Variants in LRRTM3 observed in about 807,000 individuals in gnomAD.
LRRTM3 encodes the protein leucine-rich repeat transmembrane neuronal protein 3.
Under a neutral mutation model 44.7 loss-of-function variants are expected in LRRTM3, and 24 were observed. The ratio of observed to expected loss-of-function variants is 0.54; its 90% CI spans 0.39 to 0.76. The LOEUF is 0.76. Among genes scored for constraint, LRRTM3 ranks in the 30% least tolerant of loss-of-function variants. The pLI, the probability that LRRTM3 is intolerant of heterozygous loss-of-function variation, is 0.00. For synonymous variants in LRRTM3, 277 were observed against 278.7 expected (o/e 0.99, Z 0.06); for missense variants, 587 against 702.2 (o/e 0.84, Z 1.85).
At chr10:67,069,545 G>GT (rs1856306919) in intron 2 of LRRTM3, among the ~76,000 whole-genome samples, 3 of 151,176 alleles carry the variant, frequency 2.0e-5, no homozygotes, top group Admixed American at 2.0e-4. Context: ...ATTACAAGGT[G>GT]TACAGCAGCC....
chr10:67,009,550 C>T lies in LRRTM3; in HGVS notation c.1536+81098C>T, dbSNP rs138737468. ...TTGTTTGTTTGTTTGTTTGCTTGTC[C>T]GTATCATATCTAGTATAATTTCCCT... On this transcript the variant is annotated intron_variant, in intron 2 of 2. Coordinates refer to ENST00000361320, the MANE Select transcript of LRRTM3 (RefSeq NM_178011.5). Among the ~76,000 whole-genome samples, 948 of 151,684 alleles carry T rather than the reference C, an allele frequency of 6.2e-3. 10 individuals are homozygous for T. The highest frequency in any genetic ancestry group is 0.021 in the African/African-American group (887 of 41,336).
chr10:66,980,962 G>A (rs918563447), intron 2 of LRRTM3, among the ~76,000 whole-genome samples: 13 of 152,000 alleles, frequency 8.6e-5, no homozygotes, highest in South Asian at 2.1e-4. Flanking sequence ...GCTGGAGTGC[G>A]ATGGTGTGAT....
chr10:67,007,918 A>G (rs1852100931), intron 2 of LRRTM3, among the ~76,000 whole-genome samples: 1 of 152,106 alleles, frequency 6.6e-6, no homozygotes, highest in Admixed American at 6.6e-5. Context: ...GGTAATGTGG[A>G]TAGGAACTGA....
intron 2 of LRRTM3, among the ~76,000 whole-genome samples, chr10:67,094,790 C>G (rs1857869438): frequency 6.6e-6 from 1 of 151,594 alleles, no homozygotes; most frequent in Admixed American, 6.6e-5. Context: ...CAAAGACTTA[C>G]CTGAACACAA....
intron 2 of LRRTM3, among the ~76,000 whole-genome samples, chr10:66,960,448 C>A (rs946712946): frequency 2.6e-5 from 4 of 152,030 alleles, no homozygotes; most frequent in African/African-American, 9.7e-5. Context: ...AACCCTACAG[C>A]AAAACAGAAG....
chr10:66,957,597 T>C (rs1589491748), intron 2 of LRRTM3, among the ~76,000 whole-genome samples: 1 of 151,698 alleles, frequency 6.6e-6, no homozygotes, highest in African/African-American at 2.4e-5. Flanking sequence ...TGTGCCAGTC[T>C]GGATTCTGTC....
chr10:67,017,266 A>G (rs1221478730), intron 2 of LRRTM3, among the ~76,000 whole-genome samples: 1 of 152,214 alleles, frequency 6.6e-6, no homozygotes, highest in Non-Finnish European at 1.5e-5. Flanking sequence ...GCCAACTTCA[A>G]ATAAACTAGG....
In LRRTM3 at chr10:66,927,289, C is replaced by A. The variant is rs1385585586; in HGVS notation, c.373C>A (p.Leu125Ile). ...TAGTTCCAATAGAATCTCCTATTTT[C>A]TTAACAATACCTTCAGACCTGTGAC... ...ILSSNRISYFLNNTFRPVTNL... is the reference protein window; with the variant it reads ...ILSSNRISYFINNTFRPVTNL... The change falls in exon 2 of 3, where the codon CTT becomes ATT. Residue 125 changes from leucine to isoleucine, a missense_variant. By Grantham distance (5) the Leu-to-Ile change is conservative. This residue lies in a region of LRRTM3 where 222 missense variants were observed against 323.3 expected (regional missense o/e 0.69). Transcript: ENST00000361320. The surrounding 1 kb of genome is among the most constrained non-coding windows in gnomAD (Gnocchi z 4.7). The A allele has an allele frequency of 1.9e-6, 3 of 1,614,014 alleles. No individual in the cohort carries two copies. The Admixed American group carries it at 5.0e-5, about 27-fold the overall frequency.
At chr10:67,071,571 T>C (rs571402182) in intron 2 of LRRTM3, among the ~76,000 whole-genome samples, 150 of 152,170 alleles carry the variant, frequency 9.9e-4, no homozygotes, top group African/African-American at 3.5e-3. Context: ...GCAGTTTTAC[T>C]GAAATGTCCC....
intron 2 of LRRTM3, among the ~76,000 whole-genome samples, chr10:67,010,502 G>A (rs970212178): frequency 2.6e-5 from 4 of 152,072 alleles, no homozygotes; most frequent in African/African-American, 9.7e-5. Flanking sequence ...GTCCCCAGAT[G>A]GCTGCTATCC....
intron 2 of LRRTM3, among the ~76,000 whole-genome samples, chr10:67,044,391 G>A (rs1396881969): frequency 1.3e-5 from 2 of 152,000 alleles, no homozygotes; most frequent in African/African-American, 4.8e-5. Context: ...TGGAAATAGA[G>A]AGTAGCATTA....
At chr10:66,941,499 AC>A (rs1450552309) in intron 2 of LRRTM3, among the ~76,000 whole-genome samples, 1 of 152,224 alleles carries the variant, frequency 6.6e-6, no homozygotes, top group African/African-American at 2.4e-5. Flanking sequence ...AGGAATCTTC[AC>A]CTCTTTCCTT....
intron 2 of LRRTM3, among the ~76,000 whole-genome samples, chr10:67,029,740 ATTCTAT>A (rs1301369017): frequency 1.3e-5 from 2 of 152,248 alleles, no homozygotes; most frequent in Non-Finnish European, 2.9e-5. Flanking sequence ...TAACTCTGTG[ATTCTAT>A]ATCAAAAACC....
intron 2 of LRRTM3, among the ~76,000 whole-genome samples, chr10:67,072,577 T>C (rs1056892934): frequency 3.9e-5 from 6 of 152,170 alleles, no homozygotes; most frequent in Non-Finnish European, 8.8e-5. Context: ...AACCAAGGAC[T>C]CAGCTGGGTT....
chr10:66,980,928 CAG>C (rs199789534), intron 2 of LRRTM3, among the ~76,000 whole-genome samples: 3,377 of 152,186 alleles, frequency 0.022, 54 homozygotes, highest in Non-Finnish European at 0.034. Context: ...ATTTTTGAGA[CAG>C]AGTTTCACTC....
At chr10:66,981,315 T>A (rs1224852823) in intron 2 of LRRTM3, among the ~76,000 whole-genome samples, 1 of 152,208 alleles carries the variant, frequency 6.6e-6, no homozygotes, top group African/African-American at 2.4e-5. Context: ...TTCATCTATA[T>A]CTCTAAATAT....
Position 67,038,699 on chromosome 10 carries a change from C to T in LRRTM3, c.1537-58888C>T, listed in dbSNP as rs151174650. Among the ~76,000 whole-genome samples the T allele has an allele frequency of 1.4e-4, 22 of 152,132 alleles. No homozygotes were observed. In the East Asian group the frequency reaches 3.9e-3, roughly 27 times the overall value. ...TTTCCTATCAATTCCTAAGGTGAAA[C>T]AATTAACAGGGTTAACAGTCCAAAA... On this transcript the variant is annotated intron_variant, in intron 2 of 2. Transcript: ENST00000361320.
intron 2 of LRRTM3, among the ~76,000 whole-genome samples, chr10:66,974,631 A>G (rs751595318): frequency 1.1e-4 from 16 of 152,232 alleles, no homozygotes; most frequent in Non-Finnish European, 2.2e-4. Context: ...TCAGTAATGT[A>G]TAAGAGTTTC....
intron 2 of LRRTM3, among the ~76,000 whole-genome samples, chr10:67,074,414 G>A (rs1252395745): frequency 7.8e-6 from 1 of 127,536 alleles, no homozygotes; most frequent in Non-Finnish European, 1.6e-5. Flanking sequence ...GCAGTGGCAC[G>A]ATCTCGGCTC....
Sources: allele counts gnomAD v4.1 joint callset (sites outside exome capture counted in the v4.1 genomes callset), GRCh38; gene constraint gnomAD v4.1.1; regional missense constraint gnomAD v4.1.1; non-coding constraint Gnocchi (gnomAD v3.1); transcripts MANE v1.5; gene names NCBI Gene and HGNC (gene_info 2026-07-23, HGNC 2026-07-21).